FNDC3B: variants seen among roughly 807,000 people sequenced by gnomAD.
The protein encoded by FNDC3B is fibronectin type III domain containing 3B.
A neutral mutation model predicts 151.5 loss-of-function variants in FNDC3B; 12 were observed. The observed-to-expected ratio is 0.08, with a 90% CI of 0.05 to 0.13. The LOEUF (loss-of-function observed/expected upper bound fraction) is 0.13. Among genes scored for constraint, FNDC3B ranks in the 10% least tolerant of loss-of-function variants. The pLI is 1.00. For synonymous variants in FNDC3B, 528 were observed against 549.0 expected (o/e 0.96, Z 0.54); for missense variants, 1,214 against 1,505.3 (o/e 0.81, Z 3.20).
chr3:172,198,748 C>G (rs904077464), intron 3 of FNDC3B, among the ~76,000 whole-genome samples: 4 of 152,326 alleles, frequency 2.6e-5, no homozygotes, highest in Non-Finnish European at 5.9e-5. Context: ...TCCTGACTCC[C>G]CATATCAAGC....
intron 6 of FNDC3B, among the ~76,000 whole-genome samples, chr3:172,251,968 T>C (rs1038887898): frequency 6.6e-6 from 1 of 152,226 alleles, no homozygotes; most frequent in African/African-American, 2.4e-5. Context: ...AAATCTATCA[T>C]TGAATCACAG....
chr3:172,223,066 C>G (rs914348026), intron 3 of FNDC3B, among the ~76,000 whole-genome samples: 1 of 152,168 alleles, frequency 6.6e-6, no homozygotes, highest in African/African-American at 2.4e-5. Flanking sequence ...AATGAAAATT[C>G]AATTCATTAA....
chr3:172,112,361 A>G, intron 1 of FNDC3B, 91 bp from the exon 2 acceptor site: 1 of 726,120 alleles, frequency 1.4e-6, no homozygotes, highest in Non-Finnish European at 2.5e-6. Flanking sequence ...GGGTTTCACG[A>G]TGGAGCACTT....
chr3:172,050,576 G>GT (rs1399109117), intron 1 of FNDC3B, among the ~76,000 whole-genome samples: 3 of 151,672 alleles, frequency 2.0e-5, no homozygotes. Context: ...TAGAGATAGG[G>GT]TTTCACCATG....
intron 12 of FNDC3B, chr3:172,329,353 C>T (rs1416498758): frequency 2.9e-6 from 1 of 349,506 alleles, no homozygotes; most frequent in East Asian, 4.4e-5. Context: ...AAAGGAATTC[C>T]TCTTGGAGCT....
rs144736000 is a variant in FNDC3B at position 172,136,908 on chromosome 3, G to A, written c.187+3362G>A. Among the ~76,000 whole-genome samples the A allele has an allele frequency of 1.2e-4, 18 of 152,248 alleles. No individual in the cohort carries two copies. In the East Asian group the frequency reaches 3.3e-3, roughly 28 times the overall value. ...CTAATTTTTTTGTATTTTTAGCAGTGACAGGATTTCACTGTGTTAACCAGG... is the reference window on the plus strand; with the variant it reads ...CTAATTTTTTTGTATTTTTAGCAGTAACAGGATTTCACTGTGTTAACCAGG... On this transcript the variant is annotated intron_variant, in intron 3 of 25. Coordinates refer to ENST00000415807, the MANE Select transcript of FNDC3B (RefSeq NM_022763.4).
intron 12 of FNDC3B, chr3:172,329,549 G>A (rs1732528865): frequency 6.5e-6 from 1 of 153,250 alleles, no homozygotes; most frequent in Non-Finnish European, 1.5e-5. Context: ...GCCTCTGCAG[G>A]CCTCTAGGCT....
At chr3:172,099,261 G>T (rs1719252631) in intron 1 of FNDC3B, among the ~76,000 whole-genome samples, 1 of 151,924 alleles carries the variant, frequency 6.6e-6, no homozygotes, top group Non-Finnish European at 1.5e-5. Context: ...GAAACTTGAG[G>T]TTCTCATTTT....
chr3:172,133,710 G>T (rs1721225967), intron 3 of FNDC3B, 164 bp downstream of exon 3: 2 of 681,468 alleles, frequency 2.9e-6, no homozygotes, highest in Non-Finnish European at 2.7e-6. Context: ...TATATATTAT[G>T]ATGTTATCCA....
intron 6 of FNDC3B, among the ~76,000 whole-genome samples, chr3:172,264,742 T>C (rs1332950722): frequency 6.6e-6 from 1 of 152,244 alleles, no homozygotes; most frequent in East Asian, 1.9e-4. Context: ...TAATACTAGA[T>C]TGTTGTCATA....
chr3:172,068,653 G>T (rs983429188), intron 1 of FNDC3B, among the ~76,000 whole-genome samples: 13 of 152,118 alleles, frequency 8.5e-5, no homozygotes, highest in African/African-American at 2.9e-4. Context: ...TCAAACTCCT[G>T]ACGTCAGATG....
intron 2 of FNDC3B, among the ~76,000 whole-genome samples, chr3:172,122,664 A>C (rs1351758159): frequency 6.6e-6 from 1 of 152,242 alleles, no homozygotes; most frequent in African/African-American, 2.4e-5. Flanking sequence ...TGTGTTCAGC[A>C]CTTTGATGAA....
At chr3:172,091,870 T>TGG (rs199690020) in intron 1 of FNDC3B, among the ~76,000 whole-genome samples, 11 of 27,274 alleles carry the variant, frequency 4.0e-4, no homozygotes, top group Non-Finnish European at 6.5e-4. Flanking sequence ...CTGACTTTAC[T>TGG]GGGGTGTGTG....
chr3:172,166,727 C>T (rs770318185), intron 3 of FNDC3B, among the ~76,000 whole-genome samples: 28 of 150,378 alleles, frequency 1.9e-4, no homozygotes, highest in Non-Finnish European at 3.5e-4. Flanking sequence ...TGAATAGCCA[C>T]TGCATTACAG....
intron 3 of FNDC3B, among the ~76,000 whole-genome samples, chr3:172,219,871 C>T (rs1380509487): frequency 6.6e-6 from 1 of 152,148 alleles, no homozygotes; most frequent in Non-Finnish European, 1.5e-5. Context: ...CATTTCAGCT[C>T]TTTCTATCTT....
intron 9 of FNDC3B, 91 bp from the exon 10 acceptor site, chr3:172,307,272 A>T (rs902965246): frequency 1.5e-6 from 2 of 1,331,100 alleles, no homozygotes; most frequent in Admixed American, 3.5e-5. Context: ...AATTCTGTTC[A>T]TCTACAGAAA....
At position 172,398,894 on chromosome 3, in the gene FNDC3B, A is replaced by C. The variant is rs2108404223; in HGVS notation, c.*1419A>C. 6.5e-6 allele frequency: 1 copy of C among 152,678 alleles called. No individual in the cohort carries two copies. Among genetic ancestry groups the C allele is most frequent in the Admixed American group, 6.5e-5 (1 of 15,292 alleles). The allele number at this position is 152,678 out of a possible 1,614,324, so 9.5% of individuals were successfully genotyped here. A position where few individuals can be genotyped will look rare whatever the true frequency, so the allele number is the denominator to read the frequency against. ...ATCAATTTTAACCCAAAGTCATTGG[A>C]TTATTTATATGAAGTCCATAATGTT... is the stretch of plus-strand genomic sequence containing the variant. On this transcript the variant is annotated 3_prime_UTR_variant, in exon 26 of 26. Coordinates refer to ENST00000415807, the MANE Select transcript of FNDC3B (RefSeq NM_022763.4).
At chr3:172,396,169 G>A (rs1008144576) in intron 25 of FNDC3B, among the ~76,000 whole-genome samples, 1 of 152,186 alleles carries the variant, frequency 6.6e-6, no homozygotes, top group Non-Finnish European at 1.5e-5. Flanking sequence ...AAAGAAAATG[G>A]AGGAATTAAG....
At chr3:172,087,112 G>C (rs1718587478) in intron 1 of FNDC3B, among the ~76,000 whole-genome samples, 2 of 152,184 alleles carry the variant, frequency 1.3e-5, no homozygotes, top group Non-Finnish European at 2.9e-5. Context: ...AACGGAATGA[G>C]AAGGATAATT....
Sources: allele counts gnomAD v4.1 joint callset (sites outside exome capture counted in the v4.1 genomes callset), GRCh38; gene constraint gnomAD v4.1.1; transcripts MANE v1.5; gene names NCBI Gene and HGNC (gene_info 2026-07-23, HGNC 2026-07-21).